Variants in SPAG16 observed in about 807,000 individuals in gnomAD.
The protein encoded by SPAG16 is sperm associated antigen 16.
In SPAG16, 86 loss-of-function variants were observed where a neutral mutation model predicts 80.4. The observed-to-expected ratio is 1.07, with a 90% CI of 0.90 to 1.28. SPAG16 has a LOEUF of 1.28. Ranked by LOEUF, SPAG16 falls within the 50% of genes most tolerant of loss-of-function variation. SPAG16 has a pLI of 0.00. For missense variants in SPAG16, 870 were observed against 765.3 expected, an observed-to-expected ratio of 1.14 and a Z score of -1.61; for synonymous variants, 294 against 265.9, an observed-to-expected ratio of 1.11 and a Z score of -1.03.
chr2:214,368,188 C>T lies in SPAG16; in HGVS notation c.1721-41952C>T, dbSNP rs10190314. On this transcript the variant is annotated intron_variant, in intron 15 of 15. Transcript: ENST00000331683. The stretch of plus-strand genomic sequence containing the variant: ...TTTTTGAAATCACTTTTTTCATCAT[C>T]GCACTAGTTATATGTTTCTTTCCTA... 6.2e-4 allele frequency among the ~76,000 whole-genome samples: 94 copies of T among 152,160 alleles called. 1 individual carries two copies. Among genetic ancestry groups the T allele is most frequent in the African/African-American group, 2.2e-3 (91 of 41,548 alleles).
At chr2:213,631,468 T>A (rs1240267324) in intron 10 of SPAG16, among the ~76,000 whole-genome samples, 1 of 152,180 alleles carries the variant, frequency 6.6e-6, no homozygotes, top group Non-Finnish European at 1.5e-5. Flanking sequence ...CACCCAAATA[T>A]CATGTTGAAT....
intron 10 of SPAG16, among the ~76,000 whole-genome samples, chr2:213,592,778 G>A (rs914688293): frequency 1.3e-5 from 2 of 152,156 alleles, no homozygotes; most frequent in African/African-American, 2.4e-5. Flanking sequence ...GCAATTTGAC[G>A]TTGATGCAAA....
chr2:213,802,702 G>C (rs1426125883), intron 10 of SPAG16, among the ~76,000 whole-genome samples: 1 of 152,008 alleles, frequency 6.6e-6, no homozygotes, highest in Non-Finnish European at 1.5e-5. Context: ...AAGGAACAAA[G>C]GTGTTAAGAA....
intron 15 of SPAG16, among the ~76,000 whole-genome samples, chr2:214,259,995 T>G (rs1691020322): frequency 6.6e-6 from 1 of 152,190 alleles, no homozygotes. Flanking sequence ...TTTAATCTTT[T>G]AATACAAAGG....
chr2:213,372,104 T>C (rs953044749), intron 8 of SPAG16, among the ~76,000 whole-genome samples: 1 of 151,592 alleles, frequency 6.6e-6, no homozygotes, highest in Admixed American at 6.6e-5. Flanking sequence ...AAGCACTTTT[T>C]AGTATTACAT....
At chr2:213,362,113 A>G (rs1279133985) in intron 7 of SPAG16, among the ~76,000 whole-genome samples, 2 of 152,166 alleles carry the variant, frequency 1.3e-5, no homozygotes, top group East Asian at 1.9e-4. Flanking sequence ...TAAAACTTAA[A>G]GGCTGTTGAC....
intron 10 of SPAG16, among the ~76,000 whole-genome samples, chr2:213,709,175 A>T (rs562389245): frequency 1.3e-5 from 2 of 152,210 alleles, no homozygotes; most frequent in African/African-American, 2.4e-5. Context: ...ATGGTAGTTC[A>T]TGGCAATCCA....
intron 11 of SPAG16, among the ~76,000 whole-genome samples, chr2:213,894,546 C>G (rs1236306873): frequency 1.3e-5 from 2 of 152,046 alleles, no homozygotes; most frequent in South Asian, 2.1e-4. Flanking sequence ...ACAAGGATGC[C>G]CACTTACCAC....
intron 10 of SPAG16, among the ~76,000 whole-genome samples, chr2:213,531,198 T>G (rs556984995): frequency 6.6e-6 from 1 of 152,316 alleles, no homozygotes; most frequent in African/African-American, 2.4e-5. Flanking sequence ...TAACAGGTCT[T>G]TGAGCACCTT....
chr2:213,654,090 T>G (rs945378059), intron 10 of SPAG16, among the ~76,000 whole-genome samples: 2 of 152,158 alleles, frequency 1.3e-5, no homozygotes, highest in Non-Finnish European at 2.9e-5. Flanking sequence ...TTGGAAAGAT[T>G]TTGTACAAAT....
intron 13 of SPAG16, among the ~76,000 whole-genome samples, chr2:214,082,049 A>G (rs1290624442): frequency 3.9e-5 from 6 of 152,034 alleles, no homozygotes; most frequent in African/African-American, 1.4e-4. Flanking sequence ...TGGCTTTGAT[A>G]TCCTCTTCTT....
intron 10 of SPAG16, among the ~76,000 whole-genome samples, chr2:213,746,693 G>T (rs1440018800): frequency 6.6e-6 from 1 of 152,134 alleles, no homozygotes; most frequent in Admixed American, 6.5e-5. Context: ...TGTAGTCCCA[G>T]TTACTAGGGT....
At chr2:213,523,567 T>A (rs556919267) in intron 10 of SPAG16, among the ~76,000 whole-genome samples, 2 of 152,270 alleles carry the variant, frequency 1.3e-5, no homozygotes, top group Non-Finnish European at 2.9e-5. Flanking sequence ...AGTTTGGAAC[T>A]TCTTAGAGAC....
At chr2:213,984,018 G>C (rs1350555298) in intron 12 of SPAG16, among the ~76,000 whole-genome samples, 1 of 152,072 alleles carries the variant, frequency 6.6e-6, no homozygotes, top group Admixed American at 6.6e-5. Flanking sequence ...ATTAATCTCA[G>C]TATTGAGAGA....
Position 213,373,373 on chromosome 2 carries a change from A to AT in SPAG16, c.833-1628dup, listed in dbSNP as rs376411547. Among the ~76,000 whole-genome samples, 38 of 151,082 alleles carry AT rather than the reference A, an allele frequency of 2.5e-4. 1 individual carries two copies. Among genetic ancestry groups the AT allele is most frequent in the Admixed American group, 7.3e-4 (11 of 15,172 alleles). On this transcript the variant is annotated intron_variant, in intron 8 of 15. Transcript: ENST00000331683. The stretch of plus-strand genomic sequence containing the variant: ...CTACATTGAGAAATACTTGAAAAAC[A>AT]TTTTTTTTTCTGCCAGTACCCTGTA...
chr2:214,145,755 TG>T (rs1457456663), intron 14 of SPAG16, among the ~76,000 whole-genome samples: 1 of 152,190 alleles, frequency 6.6e-6, no homozygotes, highest in Non-Finnish European at 1.5e-5. Context: ...AGCATTTTTT[TG>T]GGCTTCGGCT....
intron 15 of SPAG16, among the ~76,000 whole-genome samples, chr2:214,319,817 T>C (rs1695975731): frequency 6.6e-6 from 1 of 152,220 alleles, no homozygotes; most frequent in African/African-American, 2.4e-5. Flanking sequence ...TGTCATTTAG[T>C]TGCTGTCAAT....
intron 10 of SPAG16, among the ~76,000 whole-genome samples, chr2:213,608,391 T>A (rs1174751089): frequency 6.6e-6 from 1 of 152,186 alleles, no homozygotes; most frequent in Non-Finnish European, 1.5e-5. Context: ...TTCTCATTGT[T>A]CAATTCCCAC....
At chr2:214,403,657 G>T (rs1215641822) in intron 15 of SPAG16, among the ~76,000 whole-genome samples, 2 of 152,074 alleles carry the variant, frequency 1.3e-5, no homozygotes, top group Non-Finnish European at 2.9e-5. Flanking sequence ...GCAAGTAAAG[G>T]ACTTAGAACA....
Sources: allele counts gnomAD v4.1 joint callset (sites outside exome capture counted in the v4.1 genomes callset), GRCh38; gene constraint gnomAD v4.1.1; transcripts MANE v1.5; gene names NCBI Gene and HGNC (gene_info 2026-07-23, HGNC 2026-07-21).